Variants in MACROD2 observed in about 807,000 individuals in gnomAD.
The protein encoded by MACROD2 is mono-ADP ribosylhydrolase 2.
Under a neutral mutation model 70.4 loss-of-function variants are expected in MACROD2, and 36 were observed. The ratio of observed to expected loss-of-function variants is 0.51; its 90% CI spans 0.39 to 0.68. The LOEUF is 0.68. Among genes scored for constraint, MACROD2 ranks in the 30% least tolerant of loss-of-function variants. MACROD2 has a pLI of 0.00. For synonymous variants in MACROD2, 172 were observed against 178.8 expected, an observed-to-expected ratio of 0.96 and a Z score of 0.30; for missense variants, 496 against 538.4, an observed-to-expected ratio of 0.92 and a Z score of 0.78.
At chr20:14,244,706 G>A (rs891087118) in intron 3 of MACROD2, among the ~76,000 whole-genome samples, 9 of 152,182 alleles carry the variant, frequency 5.9e-5, no homozygotes, top group Non-Finnish European at 1.0e-4. Context: ...GCCGCTGAGC[G>A]CTGGAGCCTC....
At chr20:15,684,669 G>A (rs2050203555) in intron 8 of MACROD2, among the ~76,000 whole-genome samples, 1 of 152,148 alleles carries the variant, frequency 6.6e-6, no homozygotes, top group Non-Finnish European at 1.5e-5. Context: ...TTGTGAGCTG[G>A]GTTAGAATCC....
intron 2 of MACROD2, among the ~76,000 whole-genome samples, chr20:14,064,151 T>G (rs1471126066): frequency 6.6e-6 from 1 of 152,202 alleles, no homozygotes; most frequent in African/African-American, 2.4e-5. Flanking sequence ...TCCGTGGGCT[T>G]CTGCTGGTTT....
intron 3 of MACROD2, among the ~76,000 whole-genome samples, chr20:14,316,822 C>A (rs992345037): frequency 1.3e-5 from 2 of 152,178 alleles, no homozygotes; most frequent in Non-Finnish European, 2.9e-5. Flanking sequence ...TTCTGTTCCA[C>A]ACAGTGTTTC....
rs149737044 is a variant in MACROD2, at chr20:15,850,475, T to G, written c.646-12270T>G. On this transcript the variant is annotated intron_variant, in intron 8 of 17. Transcript: ENST00000684519. ...CTTACTACTTAGACCCACGGGAACA[T>G]GAACAGGGCACCTCAGTGCTGCCAC... Among the ~76,000 whole-genome samples the G allele has an allele frequency of 3.3e-5, 5 of 152,332 alleles. No individual in the cohort carries two copies. In the East Asian group the frequency reaches 9.6e-4, roughly 29 times the overall value.
chr20:15,121,136 G>C (rs1408121859), intron 5 of MACROD2, among the ~76,000 whole-genome samples: 1 of 152,154 alleles, frequency 6.6e-6, no homozygotes, highest in African/African-American at 2.4e-5. Context: ...ACTAAAACCA[G>C]TTATATCTAC....
At chr20:16,006,051 C>A (rs1233356348) in intron 15 of MACROD2, among the ~76,000 whole-genome samples, 1 of 152,156 alleles carries the variant, frequency 6.6e-6, no homozygotes, top group Non-Finnish European at 1.5e-5. Flanking sequence ...CAATGAAGAG[C>A]TTGAAAAGCC....
At chr20:15,547,328 G>T (rs1229226322) in intron 8 of MACROD2, among the ~76,000 whole-genome samples, 1 of 152,160 alleles carries the variant, frequency 6.6e-6, no homozygotes, top group Non-Finnish European at 1.5e-5. Context: ...CAAAACAAAT[G>T]CTACCCCAGC....
intron 6 of MACROD2, among the ~76,000 whole-genome samples, chr20:15,344,623 CAG>C (rs549522059): frequency 6.6e-6 from 1 of 152,082 alleles, no homozygotes; most frequent in Non-Finnish European, 1.5e-5. Context: ...TTGTGCTAAC[CAG>C]ACTCACAGAG....
At chr20:15,616,058 G>T (rs2049032913) in intron 8 of MACROD2, among the ~76,000 whole-genome samples, 1 of 151,444 alleles carries the variant, frequency 6.6e-6, no homozygotes, top group Non-Finnish European at 1.5e-5. Flanking sequence ...ATACACCCCT[G>T]GTGGGTGGAG....
intron 3 of MACROD2, among the ~76,000 whole-genome samples, chr20:14,257,841 G>A (rs760349630): frequency 1.3e-5 from 2 of 152,034 alleles, no homozygotes; most frequent in Non-Finnish European, 1.5e-5. Flanking sequence ...CATCATCTGC[G>A]CAGCATACAC....
At chr20:14,832,897 A>G (rs576230314) in intron 5 of MACROD2, among the ~76,000 whole-genome samples, 2 of 152,194 alleles carry the variant, frequency 1.3e-5, no homozygotes, top group South Asian at 4.2e-4. Context: ...ACTGTGGGCA[A>G]CTGAGTTTTG....
chr20:14,949,767 A>C (rs918962571), intron 5 of MACROD2, among the ~76,000 whole-genome samples: 3 of 152,190 alleles, frequency 2.0e-5, no homozygotes, highest in African/African-American at 7.2e-5. Flanking sequence ...GCACTTTGGC[A>C]CAAGACTGAT....
At chr20:15,780,448 G>A (rs1600880901) in intron 8 of MACROD2, among the ~76,000 whole-genome samples, 1 of 152,086 alleles carries the variant, frequency 6.6e-6, no homozygotes, top group Admixed American at 6.6e-5. Context: ...GTTTGAAAAA[G>A]CTGAGTGGGG....
At chr20:15,902,676 G>A (rs1288785001) in intron 10 of MACROD2, among the ~76,000 whole-genome samples, 1 of 152,040 alleles carries the variant, frequency 6.6e-6, no homozygotes, top group Non-Finnish European at 1.5e-5. Context: ...GAGGACCCCA[G>A]CTCTGTGAAA....
At chr20:15,322,062 A>G (rs925230455) in intron 6 of MACROD2, among the ~76,000 whole-genome samples, 2 of 144,122 alleles carry the variant, frequency 1.4e-5, no homozygotes, top group African/African-American at 5.0e-5. Context: ...AAGTGCTGGG[A>G]TTACAGGCAT....
chr20:14,620,319 G>A (rs1983756637), intron 4 of MACROD2, among the ~76,000 whole-genome samples: 1 of 151,908 alleles, frequency 6.6e-6, no homozygotes, highest in South Asian at 2.1e-4. Context: ...AAGACAAGGT[G>A]GAGTAGATTG....
chr20:15,564,449 T>C (rs558597044), intron 8 of MACROD2, among the ~76,000 whole-genome samples: 6 of 152,312 alleles, frequency 3.9e-5, no homozygotes, highest in Admixed American at 2.6e-4. Context: ...AAGTTGAAAA[T>C]GTATTTTCAT....
intron 5 of MACROD2, among the ~76,000 whole-genome samples, chr20:15,045,240 C>T (rs1341485448): frequency 2.6e-5 from 4 of 152,184 alleles, no homozygotes; most frequent in African/African-American, 9.7e-5. Context: ...GAAAACACAG[C>T]TTCACGCAGC....
intron 5 of MACROD2, among the ~76,000 whole-genome samples, chr20:14,866,659 A>G (rs1410312581): frequency 1.3e-5 from 2 of 152,072 alleles, no homozygotes; most frequent in Non-Finnish European, 2.9e-5. Context: ...AATCCCCACT[A>G]CTATTACATA....
Sources: allele counts gnomAD v4.1 joint callset (sites outside exome capture counted in the v4.1 genomes callset), GRCh38; gene constraint gnomAD v4.1.1; transcripts MANE v1.5; gene names NCBI Gene and HGNC (gene_info 2026-07-23, HGNC 2026-07-21).